The following PTPRD variants were observed in gnomAD, a reference collection of about 807,000 sequenced individuals.
PTPRD encodes receptor-type tyrosine-protein phosphatase delta.
In PTPRD, 34 loss-of-function variants were observed where a neutral mutation model predicts 214.5. The ratio of observed to expected loss-of-function variants is 0.16; its 90% CI spans 0.12 to 0.21. The LOEUF is 0.21. PTPRD is among the 10% of genes least tolerant of loss of function. The pLI is 1.00. For synonymous variants in PTPRD, 1,128 were observed against 845.7 expected (o/e 1.33, Z -5.79); for missense variants, 2,545 against 2,398.7 (o/e 1.06, Z -1.27).
chr9:10,489,905 C>CTATTTTGCT (rs1383012654), intron 2 of PTPRD, among the ~76,000 whole-genome samples: 1 of 152,168 alleles, frequency 6.6e-6, no homozygotes, highest in African/African-American at 2.4e-5. Flanking sequence ...TGACTCCAGA[C>CTATTTTGCT]TATTTTGCTT....
chr9:9,046,212 T>C (rs904480600), intron 10 of PTPRD, among the ~76,000 whole-genome samples: 16 of 152,202 alleles, frequency 1.1e-4, no homozygotes. Flanking sequence ...ACAGGAAAGC[T>C]AGTTGTTATA....
At chr9:10,211,581 A>G (rs2099517079) in intron 3 of PTPRD, among the ~76,000 whole-genome samples, 1 of 152,168 alleles carries the variant, frequency 6.6e-6, no homozygotes, top group Non-Finnish European at 1.5e-5. Flanking sequence ...GGTGCTCCGG[A>G]ACACAGCAGA....
At chr9:8,803,932 T>TA (rs550151821) in intron 11 of PTPRD, among the ~76,000 whole-genome samples, 171 of 152,124 alleles carry the variant, frequency 1.1e-3, no homozygotes, top group African/African-American at 3.9e-3. Flanking sequence ...ATTTTTTTTT[T>TA]ACGTTTGAAG....
At chr9:8,860,304 G>C (rs765417297) in intron 11 of PTPRD, 10 of 152,194 alleles carry the variant, frequency 6.6e-5, no homozygotes, top group Non-Finnish European at 1.0e-4. Context: ...ACCACTGGTA[G>C]TGATTTAAAC....
chr9:9,305,498 T>G (rs955124644), intron 9 of PTPRD, among the ~76,000 whole-genome samples: 5 of 152,110 alleles, frequency 3.3e-5, no homozygotes, highest in African/African-American at 1.2e-4. Context: ...CACCCTTGCT[T>G]AACTCTACCT....
At position 8,633,389 on chromosome 9, in the gene PTPRD, C is replaced by A. The variant is rs377311239; in HGVS notation, c.280G>T (p.Ala94Ser). Reference sequence around the variant, plus strand: ...TTTGAGGCCACACATTCATAAATGGCCTCATCCCTCGGAGTCCGTAAGGGT... The same window carrying A: ...TTTGAGGCCACACATTCATAAATGGACTCATCCCTCGGAGTCCGTAAGGGT... ...IQPLRTPRDE[A>S]IYECVASNNV... The change falls in exon 14 of 46, where the codon GCC becomes TCC. Residue 94 changes from alanine (A) to serine (S), a missense_variant. Physicochemically the swap from Ala to Ser is moderately conservative, Grantham distance 99. Coordinates refer to ENST00000381196, the MANE Select transcript of PTPRD (RefSeq NM_002839.4). 1.2e-6 allele frequency: 2 copies of A among 1,612,876 alleles called. No homozygotes were observed.
intron 7 of PTPRD, among the ~76,000 whole-genome samples, chr9:9,687,422 G>T (rs111535370): frequency 2.6e-5 from 4 of 151,706 alleles, no homozygotes; most frequent in African/African-American, 9.7e-5. Flanking sequence ...TTCCTGATGG[G>T]TAAACAGCCT....
At chr9:10,551,708 G>A (rs2061404426) in intron 2 of PTPRD, among the ~76,000 whole-genome samples, 1 of 152,066 alleles carries the variant, frequency 6.6e-6, no homozygotes, top group Admixed American at 6.6e-5. Context: ...CCAGTCTATG[G>A]CATTTTGCTA....
At chr9:9,033,742 G>A (rs1028131448) in intron 10 of PTPRD, among the ~76,000 whole-genome samples, 12 of 151,624 alleles carry the variant, frequency 7.9e-5, no homozygotes, top group African/African-American at 2.9e-4. Flanking sequence ...TTAGTTACTT[G>A]CCCAGGTGGT....
At chr9:8,900,507 T>C (rs2098659128) in intron 11 of PTPRD, among the ~76,000 whole-genome samples, 1 of 152,182 alleles carries the variant, frequency 6.6e-6, no homozygotes, top group African/African-American at 2.4e-5. Context: ...AACTACACTA[T>C]TATTAATTTT....
At chr9:9,785,437 C>T (rs2098915556) in intron 5 of PTPRD, among the ~76,000 whole-genome samples, 1 of 151,994 alleles carries the variant, frequency 6.6e-6, no homozygotes, top group Admixed American at 6.6e-5. Context: ...ATATGATGTA[C>T]TGAAAAGGAC....
chr9:10,094,899 G>C (rs2098467727), intron 3 of PTPRD, among the ~76,000 whole-genome samples: 1 of 151,306 alleles, frequency 6.6e-6, no homozygotes, highest in African/African-American at 2.4e-5. Context: ...TACTTCAAAA[G>C]CAAGAATATT....
intron 5 of PTPRD, among the ~76,000 whole-genome samples, chr9:9,778,837 G>C (rs2761724): frequency 0.44 from 67,412 of 151,638 alleles, 15,495 homozygotes; most frequent in East Asian, 0.7. Context: ...CAAAGTCATT[G>C]TTCACAAAAT....
chr9:9,925,892 G>A (rs2084122849), intron 5 of PTPRD, among the ~76,000 whole-genome samples: 2 of 152,120 alleles, frequency 1.3e-5, no homozygotes, highest in South Asian at 2.1e-4. Context: ...ACAGTGTCAT[G>A]GTCATGGCTT....
intron 8 of PTPRD, among the ~76,000 whole-genome samples, chr9:9,559,736 G>A (rs1406608811): frequency 6.6e-6 from 1 of 152,196 alleles, no homozygotes; most frequent in Non-Finnish European, 1.5e-5. Flanking sequence ...TGGACAAGAA[G>A]TTCCAGTTCT....
At chr9:9,890,789 C>T (rs902888820) in intron 5 of PTPRD, among the ~76,000 whole-genome samples, 8 of 152,004 alleles carry the variant, frequency 5.3e-5, no homozygotes, top group African/African-American at 1.2e-4. Flanking sequence ...GGAAAGCAGG[C>T]GCCTATTCTC....
At chr9:10,035,960 A>G (rs533816449) in intron 3 of PTPRD, among the ~76,000 whole-genome samples, 12 of 152,248 alleles carry the variant, frequency 7.9e-5, no homozygotes, top group Admixed American at 3.3e-4. Flanking sequence ...TTAGGAGGAC[A>G]TAGGTGAGTG....
chr9:9,179,978 G>T (rs1420464020), intron 10 of PTPRD, among the ~76,000 whole-genome samples: 2 of 151,974 alleles, frequency 1.3e-5, no homozygotes, highest in African/African-American at 4.8e-5. Context: ...AATATTTAAG[G>T]GATGAAGGAT....
intron 11 of PTPRD, among the ~76,000 whole-genome samples, chr9:8,806,008 A>AG (rs2096671004): frequency 6.7e-6 from 1 of 150,142 alleles, no homozygotes; most frequent in Non-Finnish European, 1.5e-5. Flanking sequence ...AAAAAAAAAA[A>AG]AAAAGAAAGA....
Sources: allele counts gnomAD v4.1 joint callset (sites outside exome capture counted in the v4.1 genomes callset), GRCh38; gene constraint gnomAD v4.1.1; transcripts MANE v1.5; gene names NCBI Gene and HGNC (gene_info 2026-07-23, HGNC 2026-07-21).